DIAPH2: variants seen among roughly 807,000 people sequenced by gnomAD.
DIAPH2 encodes diaphanous related formin 2, also known as protein diaphanous homolog 2.
In DIAPH2, 35 loss-of-function variants were observed where a neutral mutation model predicts 92.7. The ratio of observed to expected loss-of-function variants is 0.38; its 90% CI spans 0.29 to 0.50. The LOEUF (loss-of-function observed/expected upper bound fraction) is 0.50. Ranked by LOEUF, DIAPH2 falls within the 20% of genes least tolerant of loss-of-function variation. The probability of loss-of-function intolerance (pLI) is 0.94; values close to 1 mark genes in which losing one functional copy is unlikely to be tolerated. For synonymous variants in DIAPH2, 301 were observed against 280.4 expected (o/e 1.07, Z -0.73); for missense variants, 701 against 819.5 (o/e 0.86, Z 1.77).
At position 96,957,899 on chromosome X, in the gene DIAPH2, G is replaced by A. The variant is rs761188829; in HGVS notation, c.1686G>A (p.Pro562=). ...CACCTCCATTGCCAGGTGTAGGGCCGCCTCCACCACCACCCGCGCCACCTC... is the reference window on the plus strand; with the variant it reads ...CACCTCCATTGCCAGGTGTAGGGCCACCTCCACCACCACCCGCGCCACCTC... The part of the protein sequence containing the change: ...PAAPPLPGVG[P]PPPPPAPPLP... Residue 562 remains proline (P), a synonymous_variant, in exon 16 of 27, where the codon CCG becomes CCA. Transcript: ENST00000324765. The A allele has an allele frequency of 1.8e-5, 22 of 1,207,976 alleles. No homozygotes were observed. The highest frequency in any genetic ancestry group is 8.9e-5 in the East Asian group (3 of 33,670).
At chrX:96,707,928 T>C (rs1284033978) in intron 1 of DIAPH2, among the ~76,000 whole-genome samples, 3 of 111,651 alleles carry the variant, frequency 2.7e-5, no homozygotes, top group African/African-American at 6.5e-5. Flanking sequence ...AAATGTTTCT[T>C]TGGGAACATG....
intron 24 of DIAPH2, among the ~76,000 whole-genome samples, chrX:97,372,610 G>T (rs2069458640): frequency 9.0e-6 from 1 of 111,521 alleles, no homozygotes; most frequent in Admixed American, 9.6e-5. Flanking sequence ...CTAAACTCAA[G>T]GACTTTTTGT....
At chrX:96,961,459 T>C (rs1211337845) in intron 16 of DIAPH2, among the ~76,000 whole-genome samples, 2 of 80,158 alleles carry the variant, frequency 2.5e-5, no homozygotes, top group Non-Finnish European at 5.6e-5. Flanking sequence ...TTTTATCTTT[T>C]CAAAAAAAAA....
At chrX:97,465,976 C>T (rs977162668) in intron 26 of DIAPH2, among the ~76,000 whole-genome samples, 9 of 111,891 alleles carry the variant, frequency 8.0e-5, no homozygotes, top group Non-Finnish European at 1.3e-4. Flanking sequence ...GCATGAGCCA[C>T]CACGCTTGGT....
intron 11 of DIAPH2, among the ~76,000 whole-genome samples, chrX:96,938,178 C>G (rs1368844775): frequency 9.0e-6 from 1 of 111,204 alleles, no homozygotes; most frequent in African/African-American, 3.3e-5. Context: ...CTTCTGTGCC[C>G]CTGTGAGATT....
intron 26 of DIAPH2, among the ~76,000 whole-genome samples, chrX:97,478,238 T>G (rs2070625438): frequency 8.9e-6 from 1 of 112,206 alleles, no homozygotes; most frequent in Non-Finnish European, 1.9e-5. Context: ...TTCTTGCTAG[T>G]AAAGCCAAAA....
intron 5 of DIAPH2, among the ~76,000 whole-genome samples, chrX:96,887,476 G>A (rs1426295906): frequency 3.6e-5 from 4 of 111,102 alleles, no homozygotes; most frequent in Admixed American, 9.7e-5. Flanking sequence ...CATAATTGAT[G>A]ATTATAATCC....
chrX:97,179,859 G>A (rs773695865), intron 22 of DIAPH2, among the ~76,000 whole-genome samples: 1 of 111,885 alleles, frequency 8.9e-6, no homozygotes, highest in South Asian at 3.8e-4. Context: ...CTGCATGGCA[G>A]CAGCAAGAGA....
At chrX:96,763,242 A>G (rs978069088) in intron 4 of DIAPH2, 1 of 373,767 alleles carries the variant, frequency 2.7e-6, no homozygotes, top group Non-Finnish European at 3.9e-6. Flanking sequence ...AAGCAATGAG[A>G]TGAATATTAT....
intron 4 of DIAPH2, among the ~76,000 whole-genome samples, chrX:96,860,983 AT>A (rs1450641988): frequency 2.7e-5 from 3 of 111,653 alleles, no homozygotes; most frequent in Non-Finnish European, 5.6e-5. Flanking sequence ...AATGGCAGAG[AT>A]TTTTAAGGTT....
At chrX:97,093,954 C>A (rs1239329875) in intron 19 of DIAPH2, among the ~76,000 whole-genome samples, 1 of 111,765 alleles carries the variant, frequency 8.9e-6, no homozygotes, top group Non-Finnish European at 1.9e-5. Context: ...AAGGGTTGAA[C>A]CTGAAAGAGA....
chrX:97,073,150 C>A, intron 18 of DIAPH2, 108 bp downstream of exon 18: 1 of 515,807 alleles, frequency 1.9e-6, no homozygotes, highest in Non-Finnish European at 3.1e-6. Context: ...GCATATTTAG[C>A]ATCTTCTAGA....
intron 23 of DIAPH2, among the ~76,000 whole-genome samples, chrX:97,292,684 C>T (rs1035657862): frequency 9.1e-6 from 1 of 109,569 alleles, no homozygotes; most frequent in Non-Finnish European, 1.9e-5. Context: ...GTAGCTGGGA[C>T]TACAGGGATG....
Position 97,096,017 on chromosome X carries a change from T to C in DIAPH2, c.2248-3677T>C, listed in dbSNP as rs151250399. Among the ~76,000 whole-genome samples, 812 of 111,961 alleles carry C rather than the reference T, an allele frequency of 7.3e-3. 10 individuals are homozygous for C. The highest frequency in any genetic ancestry group is 0.025 in the African/African-American group (764 of 30,800). On this transcript the variant is annotated intron_variant, in intron 19 of 26. Transcript: ENST00000324765. Reference sequence around the variant, plus strand: ...TCCTGAAATATTTGAAAAAAAAATATGCACAGTAGTAAGCAGCAGCAGGTG... The same window carrying C: ...TCCTGAAATATTTGAAAAAAAAATACGCACAGTAGTAAGCAGCAGCAGGTG...
chrX:96,882,946 G>A (rs1278146217), intron 5 of DIAPH2, among the ~76,000 whole-genome samples: 5 of 71,598 alleles, frequency 7.0e-5, no homozygotes, highest in East Asian at 5.1e-4. Flanking sequence ...GAGACAGAGC[G>A]AGACCCTGTC....
chrX:97,011,419 A>G (rs2066224794), intron 17 of DIAPH2, among the ~76,000 whole-genome samples: 1 of 112,005 alleles, frequency 8.9e-6, no homozygotes, highest in African/African-American at 3.2e-5. Flanking sequence ...CTGAAGTGGA[A>G]TTCACAGTCC....
chrX:97,106,855 G>A (rs1483014533), intron 20 of DIAPH2, among the ~76,000 whole-genome samples: 2 of 112,094 alleles, frequency 1.8e-5, no homozygotes, highest in South Asian at 7.5e-4. Flanking sequence ...TCGTTTGAAC[G>A]TGAGAGGCGG....
intron 17 of DIAPH2, among the ~76,000 whole-genome samples, chrX:96,968,920 C>T (rs777837449): frequency 5.3e-5 from 6 of 112,281 alleles, no homozygotes; most frequent in South Asian, 3.7e-4. Context: ...GAGAGGCTTT[C>T]GGTTTTGTTC....
intron 4 of DIAPH2, among the ~76,000 whole-genome samples, chrX:96,803,190 A>T (rs1366477611): frequency 9.0e-6 from 1 of 111,322 alleles, no homozygotes. Flanking sequence ...AATCAAGCTG[A>T]CACTCAATAT....
Sources: gnomAD v4.1 joint callset for allele counts (sites outside exome capture counted in the v4.1 genomes callset) on GRCh38, gnomAD v4.1.1 for gene constraint, MANE v1.5 for transcripts, NCBI Gene and HGNC (gene_info 2026-07-23, HGNC 2026-07-21) for gene names.